Variants in EDIL3 observed in about 807,000 individuals in gnomAD.
EDIL3 encodes EGF-like repeat and discoidin I-like domain-containing protein 3.
Under a neutral mutation model 67.4 loss-of-function variants are expected in EDIL3, and 37 were observed. That is an observed-to-expected ratio of 0.55 (90% CI 0.42 to 0.72). The LOEUF is 0.72. EDIL3 is among the 30% of genes least tolerant of loss of function. The pLI is 0.00. For synonymous variants in EDIL3, 195 were observed against 196.3 expected, an observed-to-expected ratio of 0.99 and a Z score of 0.05; for missense variants, 527 against 586.3, an observed-to-expected ratio of 0.90 and a Z score of 1.04.
chr5:84,219,718 T>G (rs1175989773), intron 3 of EDIL3, among the ~76,000 whole-genome samples: 1 of 134,056 alleles, frequency 7.5e-6, no homozygotes, highest in Non-Finnish European at 1.7e-5. Context: ...AACTAAGTGT[T>G]CATCTACAGA....
At chr5:84,175,001 A>G (rs1269744352) in intron 4 of EDIL3, among the ~76,000 whole-genome samples, 1 of 152,154 alleles carries the variant, frequency 6.6e-6, no homozygotes, top group Non-Finnish European at 1.5e-5. Context: ...AGCTAGGTGG[A>G]GACTGCCAGG....
chr5:84,064,277 T>C (rs1746594539), intron 8 of EDIL3, among the ~76,000 whole-genome samples: 1 of 152,180 alleles, frequency 6.6e-6, no homozygotes, highest in Non-Finnish European at 1.5e-5. Flanking sequence ...TTATGATAGA[T>C]GGACAAAGAT....
intron 6 of EDIL3, among the ~76,000 whole-genome samples, chr5:84,089,578 G>A (rs1267763534): frequency 5.9e-5 from 9 of 152,126 alleles, no homozygotes. Context: ...AGCTTCATCA[G>A]CACTAGGCAT....
chr5:84,332,937 C>T (rs1224623613), intron 1 of EDIL3, among the ~76,000 whole-genome samples: 10 of 152,062 alleles, frequency 6.6e-5, no homozygotes, highest in Admixed American at 6.6e-4. Flanking sequence ...GGGAAAAATT[C>T]CAGAATAAAA....
At chr5:84,051,058 C>G (rs1746327352) in intron 9 of EDIL3, among the ~76,000 whole-genome samples, 1 of 152,144 alleles carries the variant, frequency 6.6e-6, no homozygotes, top group Non-Finnish European at 1.5e-5. Flanking sequence ...CTGGGAGGCA[C>G]CCCCCAGTAG....
intron 9 of EDIL3, among the ~76,000 whole-genome samples, chr5:84,015,113 T>C (rs1398798697): frequency 6.6e-6 from 1 of 152,180 alleles, no homozygotes; most frequent in Non-Finnish European, 1.5e-5. Context: ...TTTAAGTATG[T>C]GGTCCACTTG....
chr5:84,167,427 C>T (rs1748729348), intron 4 of EDIL3, among the ~76,000 whole-genome samples: 1 of 152,042 alleles, frequency 6.6e-6, no homozygotes. Context: ...ACCTCACATA[C>T]TGAGAAGGTG....
chr5:83,942,990 C>A lies in EDIL3; in HGVS notation c.*429G>T. 5.7e-6 allele frequency: 1 copy of A among 175,088 alleles called. No homozygotes were observed. Among genetic ancestry groups the A allele is most frequent in the Admixed American group, 5.5e-5 (1 of 18,114 alleles). The allele number at this position is 175,088 out of a possible 1,614,324, so 10.8% of individuals were successfully genotyped here. A position where few individuals can be genotyped will look rare whatever the true frequency, so the allele number is the denominator to read the frequency against. ...GTAGAGTCATTACAGAAGAAAAAAA[C>A]TTATTGCTAACATTGCAGTATTCCT... On this transcript the variant is annotated 3_prime_UTR_variant, in exon 11 of 11. Transcript: ENST00000296591.
intron 3 of EDIL3, among the ~76,000 whole-genome samples, chr5:84,227,716 A>G (rs1024679086): frequency 9.2e-5 from 14 of 152,170 alleles, no homozygotes; most frequent in African/African-American, 3.4e-4. Context: ...AATGTAGTAC[A>G]TATAAACTAC....
At chr5:83,960,250 T>A (rs1376856216) in intron 10 of EDIL3, among the ~76,000 whole-genome samples, 1 of 151,194 alleles carries the variant, frequency 6.6e-6, no homozygotes, top group Admixed American at 6.6e-5. Context: ...AATGGTTTCA[T>A]TAAAAAATTT....
At chr5:84,107,259 CAA>C (rs1747481814) in intron 5 of EDIL3, among the ~76,000 whole-genome samples, 1 of 151,970 alleles carries the variant, frequency 6.6e-6, no homozygotes, top group East Asian at 1.9e-4. Context: ...AGCTTTTTTT[CAA>C]AGTTATTTTT....
At chr5:84,235,564 G>A (rs1744663552) in intron 2 of EDIL3, among the ~76,000 whole-genome samples, 2 of 151,872 alleles carry the variant, frequency 1.3e-5, no homozygotes, top group African/African-American at 4.8e-5. Context: ...ATGAGGACAG[G>A]GCTGTAGCAT....
intron 9 of EDIL3, among the ~76,000 whole-genome samples, chr5:84,056,338 G>T (rs937460278): frequency 9.2e-5 from 14 of 151,946 alleles, no homozygotes; most frequent in Non-Finnish European, 1.9e-4. Flanking sequence ...GGGTGAGGGG[G>T]GAGGTATACC....
chr5:84,372,921 A>G lies in EDIL3; in HGVS notation c.67+11387T>C, dbSNP rs547979563. ...GTCAAAGAGAATAATGCCTGAGACT[A>G]GGCAATTATATATCTGCATTCTGCT... is the stretch of plus-strand genomic sequence containing the variant. On this transcript the variant is annotated intron_variant, in intron 1 of 10. Transcript: ENST00000296591. Among the ~76,000 whole-genome samples the G allele has an allele frequency of 2.0e-5, 3 of 152,266 alleles. No individual in the cohort carries two copies. In the East Asian group the frequency reaches 5.8e-4, roughly 29 times the overall value.
intron 1 of EDIL3, among the ~76,000 whole-genome samples, chr5:84,311,223 G>T (rs926163266): frequency 6.6e-6 from 1 of 150,710 alleles, no homozygotes; most frequent in African/African-American, 2.4e-5. Flanking sequence ...GTTAGTTAGT[G>T]TGTTAACTTA....
At chr5:84,167,452 T>C (rs1259727649) in intron 4 of EDIL3, among the ~76,000 whole-genome samples, 2 of 152,120 alleles carry the variant, frequency 1.3e-5, no homozygotes, top group South Asian at 2.1e-4. Context: ...CTCTCAATTA[T>C]AAGATGTTAC....
intron 6 of EDIL3, among the ~76,000 whole-genome samples, chr5:84,070,535 T>C (rs187813402): frequency 3.8e-4 from 58 of 152,186 alleles, no homozygotes; most frequent in African/African-American, 1.2e-3. Flanking sequence ...ATAACAAGCA[T>C]ATAAAGATAA....
chr5:83,958,793 G>A (rs944030880), intron 10 of EDIL3, among the ~76,000 whole-genome samples: 2 of 151,432 alleles, frequency 1.3e-5, no homozygotes, highest in East Asian at 1.9e-4. Flanking sequence ...GCTAAATGCA[G>A]TAAAAAACAG....
intron 10 of EDIL3, among the ~76,000 whole-genome samples, chr5:83,951,139 G>T (rs1744413681): frequency 6.6e-6 from 1 of 151,606 alleles, no homozygotes; most frequent in East Asian, 2.0e-4. Context: ...CTTGATGGGA[G>T]AAGTGAAAAA....
Sources: gnomAD v4.1 joint callset for allele counts (sites outside exome capture counted in the v4.1 genomes callset) on GRCh38, gnomAD v4.1.1 for gene constraint, MANE v1.5 for transcripts, NCBI Gene and HGNC (gene_info 2026-07-23, HGNC 2026-07-21) for gene names.